TMEM266: variants seen among roughly 807,000 people sequenced by gnomAD.
TMEM266 encodes transmembrane protein 266, also known as Hv1 related protein 1.
Under a neutral mutation model 50.5 loss-of-function variants are expected in TMEM266, and 33 were observed. The ratio of observed to expected loss-of-function variants is 0.65; its 90% CI spans 0.50 to 0.87. The LOEUF is 0.87. Ranked by LOEUF, TMEM266 falls within the 40% of genes least tolerant of loss-of-function variation. The pLI, the probability that TMEM266 is intolerant of heterozygous loss-of-function variation, is 0.00. For synonymous variants in TMEM266, 310 were observed against 292.3 expected (o/e 1.06, Z -0.62); for missense variants, 655 against 695.1 (o/e 0.94, Z 0.65).
At chr15:76,082,917 G>A (rs1229235168) in intron 1 of TMEM266, among the ~76,000 whole-genome samples, 2 of 151,834 alleles carry the variant, frequency 1.3e-5, no homozygotes, top group East Asian at 1.9e-4. Context: ...TGCAGTGAGC[G>A]GAGATCGCAC....
chr15:76,121,954 T>G (rs2037353491), intron 1 of TMEM266, among the ~76,000 whole-genome samples: 1 of 152,254 alleles, frequency 6.6e-6, no homozygotes, highest in African/African-American at 2.4e-5. Flanking sequence ...CCTCAATGTT[T>G]AGTATAGTTC....
Position 76,169,802 on chromosome 15 carries a change from C to G in TMEM266, c.457-14C>G. On this transcript the variant is annotated splice_polypyrimidine_tract_variant and intron_variant, in intron 5 of 10. Transcript: ENST00000388942. ...GACCTGGAGAATAACCACTTTCTCA[C>G]TTCCTTTCCTCAGACTGTTCTACGG... 6.2e-7 allele frequency: 1 copy of G among 1,613,162 alleles called. No individual in the cohort carries two copies. Among genetic ancestry groups the G allele is most frequent in the Non-Finnish European group, 8.5e-7 (1 of 1,179,120 alleles).
rs71140194 is a variant in TMEM266 at position 76,075,837 on chromosome 15, CTTTTTTTTTTTTTTTTTTTTTT to C, written c.-97+15837_-97+15858del. Among the ~76,000 whole-genome samples the C allele has an allele frequency of 1.3e-3, 31 of 23,576 alleles. 1 individual carries two copies. The highest frequency in any genetic ancestry group is 1.8e-3 in the Non-Finnish European group (20 of 11,158). The allele number at this position is 23,576 out of a possible 152,430, so 15.5% of individuals were successfully genotyped here. A position where few individuals can be genotyped will look rare whatever the true frequency, so the allele number is the denominator to read the frequency against. On this transcript the variant is annotated intron_variant, in intron 1 of 10. Coordinates refer to ENST00000388942, the MANE Select transcript of TMEM266 (RefSeq NM_152335.3). The stretch of plus-strand genomic sequence containing the variant: ...CTGGAGGAGAATGAAGAGAAGGCAG[CTTTTTTTTTTTTTTTTTTTTTT>C]TTTTTTTTTTTTTTTGAGACACGGG...
chr15:76,069,074 T>C (rs1241401069), intron 1 of TMEM266, among the ~76,000 whole-genome samples: 1 of 152,190 alleles, frequency 6.6e-6, no homozygotes, highest in Non-Finnish European at 1.5e-5. Flanking sequence ...GCCCTGTTTA[T>C]CTCAGGATTG....
intron 8 of TMEM266, among the ~76,000 whole-genome samples, chr15:76,187,456 G>A (rs1190605100): frequency 1.3e-5 from 2 of 152,240 alleles, no homozygotes; most frequent in East Asian, 3.8e-4. Flanking sequence ...GGCAGGAGGG[G>A]CTCCCCCAGC....
intron 1 of TMEM266, among the ~76,000 whole-genome samples, chr15:76,081,863 G>A (rs2036699481): frequency 6.6e-6 from 1 of 152,144 alleles, no homozygotes; most frequent in Admixed American, 6.5e-5. Context: ...TCAGGAAAAT[G>A]CCCCCTGGAC....
At chr15:76,191,723 G>A (rs912884818) in intron 8 of TMEM266, 4 of 456,034 alleles carry the variant, frequency 8.8e-6, no homozygotes, top group African/African-American at 8.2e-5. Context: ...GCATCCGTGA[G>A]ATGGGGGCCA....
intron 1 of TMEM266, among the ~76,000 whole-genome samples, chr15:76,116,949 G>A (rs1380187720): frequency 2.0e-5 from 3 of 149,140 alleles, no homozygotes; most frequent in East Asian, 3.9e-4. Flanking sequence ...GCCCAGGCTG[G>A]AGTGCAGTGG....
rs2037487398 is a variant in TMEM266, at chr15:76,130,249, AAAAAAC to A, written c.-96-3918_-96-3913del. Among the ~76,000 whole-genome samples the A allele has an allele frequency of 7.3e-5, 7 of 96,452 alleles. 2 individuals are homozygous for A. The highest frequency in any genetic ancestry group is 4.4e-4 in the African/African-American group (7 of 16,012). 63.3% of individuals were successfully genotyped at this position (96,452 alleles called of 152,430 possible). A position where few individuals can be genotyped will look rare whatever the true frequency, so the allele number is the denominator to read the frequency against. Reference sequence around the variant, plus strand: ...AAAAAAAAAAAAAAAAAAAAAAAAAAAAAAACCGCCGGGTGCAGTGTCTCATGCCTG... The same window carrying A: ...AAAAAAAAAAAAAAAAAAAAAAAAAACGCCGGGTGCAGTGTCTCATGCCTG... On this transcript the variant is annotated intron_variant, in intron 1 of 10. Transcript: ENST00000388942.
At chr15:76,143,837 C>T (rs1045813391) in intron 3 of TMEM266, among the ~76,000 whole-genome samples, 3 of 152,148 alleles carry the variant, frequency 2.0e-5, no homozygotes, top group African/African-American at 4.8e-5. Flanking sequence ...AATTAATCTC[C>T]TTCAACTGGT....
chr15:76,182,972 T>C (rs2038439265), intron 8 of TMEM266, among the ~76,000 whole-genome samples: 1 of 152,102 alleles, frequency 6.6e-6, no homozygotes, highest in African/African-American at 2.4e-5. Flanking sequence ...TCCAGAAATC[T>C]GAGTCCTGAC....
At chr15:76,133,838 G>A (rs1321176948) in intron 1 of TMEM266, among the ~76,000 whole-genome samples, 3 of 152,228 alleles carry the variant, frequency 2.0e-5, no homozygotes, top group Non-Finnish European at 4.4e-5. Flanking sequence ...CAAAGCTGCA[G>A]TATAAAGGGA....
chr15:76,169,951 G>C lies in TMEM266; in HGVS notation c.513+79G>C, dbSNP rs1213611340. ...AAAACGTCATGTCCCATCCATTCCAGGGTGGACACCATCAAGAAGGCTGGT... is the reference window on the plus strand; with the variant it reads ...AAAACGTCATGTCCCATCCATTCCACGGTGGACACCATCAAGAAGGCTGGT... On this transcript the variant is annotated intron_variant, in intron 6 of 10. Transcript: ENST00000388942. 3.2e-5 allele frequency: 47 copies of C among 1,480,546 alleles called. No individual in the cohort carries two copies. The South Asian group carries it at 5.1e-4, about 16-fold the overall frequency. 91.7% of individuals were successfully genotyped at this position (1,480,546 alleles called of 1,614,324 possible).
chr15:76,182,819 T>G (rs971254628), intron 8 of TMEM266, among the ~76,000 whole-genome samples: 12 of 152,310 alleles, frequency 7.9e-5, no homozygotes, highest in African/African-American at 2.6e-4. Flanking sequence ...GAGGCTATTC[T>G]TTGGCCAGAT....
intron 1 of TMEM266, among the ~76,000 whole-genome samples, chr15:76,132,324 T>C (rs1284313966): frequency 6.6e-6 from 1 of 151,730 alleles, no homozygotes; most frequent in African/African-American, 2.4e-5. Flanking sequence ...TTAGCCAGGA[T>C]GGTCTTGATC....
chr15:76,167,544 CA>C (rs1238264182), intron 5 of TMEM266, among the ~76,000 whole-genome samples: 3 of 151,896 alleles, frequency 2.0e-5, no homozygotes, highest in Non-Finnish European at 4.4e-5. Flanking sequence ...CTCTGTCACC[CA>C]GGCTGGAGTG....
chr15:76,161,697 T>C lies in TMEM266; in HGVS notation c.456+1529T>C, dbSNP rs542166883. Among the ~76,000 whole-genome samples, 146 of 152,266 alleles carry C rather than the reference T, an allele frequency of 9.6e-4. No individual in the cohort carries two copies. The highest frequency in any genetic ancestry group is 1.7e-3 in the Non-Finnish European group (119 of 68,010). ...AGCACTGCCCTCCCAGAAGGGGTCC[T>C]AACCACCTCCCTGAGACCATTGCCC... On this transcript the variant is annotated intron_variant, in intron 5 of 10. Coordinates refer to ENST00000388942, the MANE Select transcript of TMEM266 (RefSeq NM_152335.3). This position sits in a 1 kb window ranked among gnomAD's most constrained non-coding sequence, Gnocchi z 4.1.
chr15:76,192,008 A>C lies in TMEM266; in HGVS notation c.809A>C (p.Asp270Ala). The C allele has an allele frequency of 1.9e-6, 3 of 1,580,518 alleles. No individual in the cohort carries two copies. Among genetic ancestry groups the C allele is most frequent in the Non-Finnish European group, 2.6e-6 (3 of 1,167,960 alleles). Residue 270 changes from aspartate to alanine, a missense_variant, in exon 9 of 11, where the codon GAC becomes GCC. Physicochemically the swap from Asp to Ala is moderately radical, Grantham distance 126 (BLOSUM62 -2). Around this residue, in one of 3 missense-constraint regions of TMEM266, gnomAD observed 455 missense variants for 401.8 expected, o/e 1.13. Coordinates refer to ENST00000388942, the MANE Select transcript of TMEM266 (RefSeq NM_152335.3). Reference sequence around the variant, plus strand: ...CTGCGCGCGCACCTGGCGCAGCAGGACCTGGACCTGGCTGCCGAGCGCGAA... The same window carrying C: ...CTGCGCGCGCACCTGGCGCAGCAGGCCCTGGACCTGGCTGCCGAGCGCGAA...
At chr15:76,203,081 G>C (rs559867799) in intron 10 of TMEM266, among the ~76,000 whole-genome samples, 1 of 152,024 alleles carries the variant, frequency 6.6e-6, no homozygotes, top group Non-Finnish European at 1.5e-5. Context: ...GGTCAGCCCC[G>C]TGGTACATCT....
Sources: allele counts gnomAD v4.1 joint callset (sites outside exome capture counted in the v4.1 genomes callset), GRCh38; gene constraint gnomAD v4.1.1; regional missense constraint gnomAD v4.1.1; non-coding constraint Gnocchi (gnomAD v3.1); transcripts MANE v1.5; gene names NCBI Gene and HGNC (gene_info 2026-07-23, HGNC 2026-07-21).